Variants in RBFOX1 observed in about 807,000 individuals in gnomAD.
The protein encoded by RBFOX1 is RNA binding protein fox-1 homolog 1.
A neutral mutation model predicts 57.7 loss-of-function variants in RBFOX1; 8 were observed. The ratio of observed to expected loss-of-function variants is 0.14; its 90% CI spans 0.08 to 0.25. The LOEUF is 0.25. RBFOX1 is among the 10% of genes least tolerant of loss of function. The pLI is 1.00. For synonymous variants in RBFOX1, 326 were observed against 222.4 expected (o/e 1.47, Z -4.15); for missense variants, 611 against 548.5 (o/e 1.11, Z -1.14).
In RBFOX1 at chr16:6,557,150, C is replaced by CACATATATATACACATATATATATAT. The variant is rs1567673170; in HGVS notation, c.-63-97441_-63-97416dup. Among the ~76,000 whole-genome samples, 14 of 144,570 alleles carry CACATATATATACACATATATATATAT rather than the reference C, an allele frequency of 9.7e-5. 1 individual carries two copies. The highest frequency in any genetic ancestry group is 2.0e-4 in the East Asian group (1 of 5,048). 94.8% of individuals were successfully genotyped at this position (144,570 alleles called of 152,430 possible). A position where few individuals can be genotyped will look rare whatever the true frequency, so the allele number is the denominator to read the frequency against. On this transcript the variant is annotated intron_variant, in intron 2 of 15. Transcript: ENST00000550418. Reference sequence around the variant, plus strand: ...ACATATACATATATACATATATACACACATATATATACACATATATATATA... The same window carrying CACATATATATACACATATATATATAT: ...ACATATACATATATACATATATACACACATATATATACACATATATATATATACATATATATACACATATATATATA...
chr16:6,335,781 AAAAAAAAAAG>A (rs1412760824), intron 2 of RBFOX1, among the ~76,000 whole-genome samples: 9 of 149,468 alleles, frequency 6.0e-5, no homozygotes, highest in African/African-American at 2.3e-4. Flanking sequence ...GTCTCCAAAA[AAAAAAAAAAG>A]AAAAAAAAAA....
At chr16:6,609,343 CTTTTTTATTT>C in intron 2 of RBFOX1, among the ~76,000 whole-genome samples, 1 of 152,040 alleles carries the variant, frequency 6.6e-6, no homozygotes, top group South Asian at 2.1e-4. Context: ...TCTTTTTTCT[CTTTTTTATTT>C]TTATTTTTTG....
At chr16:7,442,235 C>T (rs1187495991) in intron 4 of RBFOX1, among the ~76,000 whole-genome samples, 1 of 152,100 alleles carries the variant, frequency 6.6e-6, no homozygotes, top group Non-Finnish European at 1.5e-5. Flanking sequence ...TACTCCAATG[C>T]CAGGTGTTCT....
chr16:7,265,349 G>T (rs1046817876), intron 4 of RBFOX1, among the ~76,000 whole-genome samples: 1 of 152,148 alleles, frequency 6.6e-6, no homozygotes, highest in Non-Finnish European at 1.5e-5. Context: ...GAAAGAGAGA[G>T]AGGGAGAGGA....
At chr16:5,832,224 C>A (rs2056298549) in intron 3 of RBFOX1, among the ~76,000 whole-genome samples, 1 of 152,220 alleles carries the variant, frequency 6.6e-6, no homozygotes, top group Non-Finnish European at 1.5e-5. Flanking sequence ...TATGGGGTAG[C>A]TCAGATCATG....
At position 5,547,436 on chromosome 16, in the gene RBFOX1, G is replaced by A. The variant is rs566618724; in HGVS notation, c.259-51466G>A. ...ATAGTATGCAGCAGTAAAAAGGAATGAGCTATCTATACATGCAAGAACATG... is the reference window on the plus strand; with the variant it reads ...ATAGTATGCAGCAGTAAAAAGGAATAAGCTATCTATACATGCAAGAACATG... On this transcript the variant is annotated intron_variant, in intron 2 of 2. Coordinates refer to the RBFOX1 transcript ENST00000585867. Among the ~76,000 whole-genome samples the A allele has an allele frequency of 2.0e-5, 3 of 152,300 alleles. No homozygotes were observed. In the South Asian group the frequency reaches 6.2e-4, roughly 32 times the overall value.
At chr16:6,033,311 T>A (rs957049854) in intron 1 of RBFOX1, among the ~76,000 whole-genome samples, 1 of 152,238 alleles carries the variant, frequency 6.6e-6, no homozygotes, top group Non-Finnish European at 1.5e-5. Context: ...TATTTGATGC[T>A]TTGCTTTATT....
chr16:5,883,575 A>T (rs11076984), intron 4 of RBFOX1, among the ~76,000 whole-genome samples: 79,714 of 151,840 alleles, frequency 0.52, 22,636 homozygotes, highest in African/African-American at 0.75. Flanking sequence ...AGGAATTTGA[A>T]CACACATGTC....
intron 1 of RBFOX1, among the ~76,000 whole-genome samples, chr16:5,330,620 G>A (rs1208457269): frequency 1.3e-5 from 2 of 151,890 alleles, no homozygotes; most frequent in East Asian, 3.9e-4. Flanking sequence ...GGCCAGGCTG[G>A]CCTCGAACTT....
intron 4 of RBFOX1, among the ~76,000 whole-genome samples, chr16:7,259,995 C>T (rs1210524143): frequency 2.0e-5 from 3 of 152,126 alleles, no homozygotes; most frequent in African/African-American, 7.2e-5. Context: ...GATCCCAATG[C>T]TTTTGTGCAA....
chr16:5,851,494 C>G (rs544990251), intron 3 of RBFOX1, among the ~76,000 whole-genome samples: 1 of 152,086 alleles, frequency 6.6e-6, no homozygotes, highest in East Asian at 1.9e-4. Context: ...CCAGCCCTGC[C>G]GAAGAAGATG....
At chr16:5,523,968 G>A (rs1280128782) in intron 2 of RBFOX1, among the ~76,000 whole-genome samples, 2 of 152,000 alleles carry the variant, frequency 1.3e-5, no homozygotes, top group African/African-American at 4.8e-5. Context: ...GCCTCCTCCC[G>A]GCCCAGGACA....
rs527614339 is a variant in RBFOX1 at position 5,759,849 on chromosome 16, G to C, written c.319-107454G>C. Among the ~76,000 whole-genome samples the C allele has an allele frequency of 2.0e-5, 3 of 152,022 alleles. No homozygotes were observed. In the East Asian group the frequency reaches 5.8e-4, roughly 29 times the overall value. On this transcript the variant is annotated intron_variant, in intron 3 of 19. Coordinates refer to the RBFOX1 transcript ENST00000641259. ...CCCTCACCAGTGCAGGGAAGCCTTT[G>C]ATACTTCTTGGACATCTTGATCAAA...
rs200812486 is a variant in RBFOX1, at chr16:6,450,754, C to CATAT, written c.-64+133704_-64+133707dup. On this transcript the variant is annotated intron_variant, in intron 2 of 15. Coordinates refer to ENST00000550418, the MANE Select transcript of RBFOX1 (RefSeq NM_018723.4). ...GGGGAATAAATTTTATATATATATACATATATATATGTGTATATATATATA... is the reference window on the plus strand; with the variant it reads ...GGGGAATAAATTTTATATATATATACATATATATATATATGTGTATATATATATA... 1.2e-3 allele frequency among the ~76,000 whole-genome samples: 72 copies of CATAT among 58,662 alleles called. 2 individuals are homozygous for CATAT. Among genetic ancestry groups the CATAT allele is most frequent in the South Asian group, 4.2e-3 (8 of 1,904 alleles). 38.5% of individuals were successfully genotyped at this position (58,662 alleles called of 152,430 possible). A position where few individuals can be genotyped will look rare whatever the true frequency, so the allele number is the denominator to read the frequency against.
chr16:7,089,114 G>A (rs1203935744), intron 4 of RBFOX1, among the ~76,000 whole-genome samples: 1 of 152,212 alleles, frequency 6.6e-6, no homozygotes, highest in East Asian at 1.9e-4. Flanking sequence ...TTCCTTTGTA[G>A]CGACTTTAGC....
At chr16:6,963,857 C>A (rs2083521482) in intron 3 of RBFOX1, among the ~76,000 whole-genome samples, 1 of 151,708 alleles carries the variant, frequency 6.6e-6, no homozygotes. Context: ...CACCACCACG[C>A]CTGGCTAATT....
At chr16:5,370,691 C>T (rs1172801717) in intron 1 of RBFOX1, among the ~76,000 whole-genome samples, 2 of 151,900 alleles carry the variant, frequency 1.3e-5, no homozygotes, top group South Asian at 2.1e-4. Context: ...GACAGAGTCT[C>T]TGTGTTGCCC....
intron 3 of RBFOX1, among the ~76,000 whole-genome samples, chr16:6,688,815 G>A: frequency 6.6e-6 from 1 of 152,108 alleles, no homozygotes; most frequent in Non-Finnish European, 1.5e-5. Context: ...AGGCCCTGGT[G>A]TGTGATGTTC....
chr16:7,170,780 A>T (rs968451684), intron 4 of RBFOX1, among the ~76,000 whole-genome samples: 1 of 152,148 alleles, frequency 6.6e-6, no homozygotes, highest in Non-Finnish European at 1.5e-5. Context: ...AGTCTTAGGG[A>T]AAACATGTAG....
Sources: gnomAD v4.1 joint callset for allele counts (sites outside exome capture counted in the v4.1 genomes callset) on GRCh38, gnomAD v4.1.1 for gene constraint, MANE v1.5 for transcripts, NCBI Gene and HGNC (gene_info 2026-07-23, HGNC 2026-07-21) for gene names.